JARID2: variants seen among roughly 807,000 people sequenced by gnomAD.
The protein encoded by JARID2 is protein Jumonji.
JARID2 carries 21 observed loss-of-function variants against 125.6 expected under a neutral mutation model. The ratio of observed to expected loss-of-function variants is 0.17; its 90% CI spans 0.12 to 0.24. The LOEUF is 0.24. Ranked by LOEUF, JARID2 falls within the 10% of genes least tolerant of loss-of-function variation. The pLI is 1.00. For synonymous variants in JARID2, 736 were observed against 661.6 expected, an observed-to-expected ratio of 1.11 and a Z score of -1.73; for missense variants, 1,303 against 1,639.6, an observed-to-expected ratio of 0.79 and a Z score of 3.55.
intron 7 of JARID2, among the ~76,000 whole-genome samples, chr6:15,499,268 C>T (rs1770611828): frequency 6.6e-6 from 1 of 152,166 alleles, no homozygotes; most frequent in African/African-American, 2.4e-5. Context: ...TGCCTTCTGC[C>T]TCTGTGTAGG....
intron 2 of JARID2, among the ~76,000 whole-genome samples, chr6:15,388,616 A>G (rs1484940224): frequency 6.7e-6 from 1 of 148,566 alleles, no homozygotes; most frequent in African/African-American, 2.4e-5. Flanking sequence ...TTCTACAACA[A>G]ACTATAATAT....
chr6:15,462,542 T>TCC (rs1336580634), intron 4 of JARID2, among the ~76,000 whole-genome samples: 1 of 152,228 alleles, frequency 6.6e-6, no homozygotes, highest in Non-Finnish European at 1.5e-5. Flanking sequence ...GTTGCCCAAG[T>TCC]CCCTGCCAGC....
intron 1 of JARID2, chr6:15,248,584 C>G (rs1407477016): frequency 6.6e-6 from 1 of 151,516 alleles, no homozygotes; most frequent in Non-Finnish European, 1.5e-5. Context: ...CCGACGCAGT[C>G]TCGAGAGCAA....
intron 2 of JARID2, among the ~76,000 whole-genome samples, chr6:15,407,155 G>A (rs962653538): frequency 6.6e-6 from 1 of 152,068 alleles, no homozygotes; most frequent in South Asian, 2.1e-4. Flanking sequence ...CCAGCCATTC[G>A]GGAGGCTGGC....
rs774858975 is a variant in JARID2 at position 15,390,791 on chromosome 6, G to A, written c.181+16539G>A. Among the ~76,000 whole-genome samples the A allele has an allele frequency of 4.9e-4, 74 of 152,130 alleles. 1 individual carries two copies. Among genetic ancestry groups the A allele is most frequent in the Non-Finnish European group, 7.4e-5 (5 of 68,026 alleles). ...CCTGCCAGCTCAGGTCCAGTAGGCC[G>A]CAGTCCTCCAGCTCTGCTAGTGGAA... On this transcript the variant is annotated intron_variant, in intron 2 of 17. Transcript: ENST00000341776.
intron 1 of JARID2, among the ~76,000 whole-genome samples, chr6:15,261,311 C>CT (rs70996526): frequency 0.071 from 8,968 of 125,572 alleles, 548 homozygotes; most frequent in African/African-American, 0.13. Flanking sequence ...TCTTCTTCTT[C>CT]TTTTTTTTTT....
chr6:15,364,787 G>A (rs1039044060), intron 1 of JARID2, among the ~76,000 whole-genome samples: 1 of 152,190 alleles, frequency 6.6e-6, no homozygotes, highest in African/African-American at 2.4e-5. Context: ...CTGTCCAAAA[G>A]AACTTCTTGT....
intron 2 of JARID2, among the ~76,000 whole-genome samples, chr6:15,395,119 G>T (rs1765169620): frequency 6.6e-6 from 1 of 152,094 alleles, no homozygotes; most frequent in African/African-American, 2.4e-5. Flanking sequence ...TTAATTTCTA[G>T]AAATTACTGG....
chr6:15,354,293 G>C (rs2127485945), intron 1 of JARID2, among the ~76,000 whole-genome samples: 1 of 152,342 alleles, frequency 6.6e-6, no homozygotes, highest in Non-Finnish European at 1.5e-5. Context: ...GTTAGAAGCT[G>C]AAAAGGGCAC....
intron 4 of JARID2, among the ~76,000 whole-genome samples, chr6:15,453,208 A>C (rs1768000699): frequency 6.6e-6 from 1 of 152,218 alleles, no homozygotes; most frequent in African/African-American, 2.4e-5. Context: ...GGTGCTTTGT[A>C]ATGTCCAAGT....
At position 15,469,310 on chromosome 6, in the gene JARID2, C is replaced by G. The variant is rs7769630; in HGVS notation, c.670+592C>G. On this transcript the variant is annotated intron_variant, in intron 5 of 17. Coordinates refer to ENST00000341776, the MANE Select transcript of JARID2 (RefSeq NM_004973.4). ...TCTCTGTCTCTCTGTCTCTGTCTCT[C>G]TCTCTCTGTCTCTCTCTCTCTCTCT... Among the ~76,000 whole-genome samples the G allele has an allele frequency of 5.9e-3, 734 of 125,262 alleles. 15 individuals carry two copies. The highest frequency in any genetic ancestry group is 0.022 in the African/African-American group (689 of 31,788). 82.2% of individuals were successfully genotyped at this position (125,262 alleles called of 152,430 possible). A position where few individuals can be genotyped will look rare whatever the true frequency, so the allele number is the denominator to read the frequency against.
intron 3 of JARID2, among the ~76,000 whole-genome samples, chr6:15,420,469 C>T (rs1185858106): frequency 1.3e-5 from 2 of 151,096 alleles, no homozygotes; most frequent in Non-Finnish European, 2.9e-5. Context: ...TATGCTTATT[C>T]TTTGGTGTTT....
intron 2 of JARID2, among the ~76,000 whole-genome samples, chr6:15,396,276 G>C (rs1026274372): frequency 6.6e-6 from 1 of 152,164 alleles, no homozygotes; most frequent in Non-Finnish European, 1.5e-5. Context: ...AGCCCTGTAT[G>C]TTTACAGTGT....
chr6:15,263,074 T>TTGTGTGTG (rs561238062), intron 1 of JARID2, among the ~76,000 whole-genome samples: 69 of 139,812 alleles, frequency 4.9e-4, no homozygotes, highest in South Asian at 2.1e-3. Context: ...GGGTGTGTGT[T>TTGTGTGTG]TGTGTGTGTG....
rs373389535 is a variant in JARID2, at chr6:15,449,089, C to T, written c.324-2917C>T. 3.7e-4 allele frequency among the ~76,000 whole-genome samples: 56 copies of T among 152,198 alleles called. 1 individual carries two copies. In the East Asian group the frequency reaches 7.5e-3, roughly 20 times the overall value. On this transcript the variant is annotated intron_variant, in intron 3 of 17. Transcript: ENST00000341776. ...TGTGATTGTCGGAATATCCCCGTCA[C>T]CCTAACTGCCCCCCACTTCATTGTC...
intron 1 of JARID2, among the ~76,000 whole-genome samples, chr6:15,362,040 T>A (rs1007379100): frequency 6.6e-6 from 1 of 151,850 alleles, no homozygotes; most frequent in Non-Finnish European, 1.5e-5. Flanking sequence ...GGACTACACA[T>A]GTACCAGCAT....
At chr6:15,424,219 C>T (rs1362572039) in intron 3 of JARID2, among the ~76,000 whole-genome samples, 4 of 151,490 alleles carry the variant, frequency 2.6e-5, no homozygotes, top group African/African-American at 4.9e-5. Context: ...CCTCCTGCCT[C>T]GGCCTCCCAA....
chr6:15,256,221 G>T (rs1364385327), intron 1 of JARID2, among the ~76,000 whole-genome samples: 1 of 152,184 alleles, frequency 6.6e-6, no homozygotes, highest in African/African-American at 2.4e-5. Flanking sequence ...TGAATCAAAT[G>T]AATTCTGCAC....
At chr6:15,247,137 C>T (rs1029162928) in intron 1 of JARID2, among the ~76,000 whole-genome samples, 1 of 152,016 alleles carries the variant, frequency 6.6e-6, no homozygotes, top group Non-Finnish European at 1.5e-5. Flanking sequence ...CATGTTACAG[C>T]GAATGCATTT....
Sources: allele counts gnomAD v4.1 joint callset (sites outside exome capture counted in the v4.1 genomes callset), GRCh38; gene constraint gnomAD v4.1.1; transcripts MANE v1.5; gene names NCBI Gene and HGNC (gene_info 2026-07-23, HGNC 2026-07-21).